The following DGKG variants were observed in gnomAD, a reference collection of about 807,000 sequenced individuals.
The protein encoded by DGKG is DAG kinase gamma.
In DGKG, 78 loss-of-function variants were observed where a neutral mutation model predicts 105.3. The ratio of observed to expected loss-of-function variants is 0.74; its 90% CI spans 0.62 to 0.89. The LOEUF (loss-of-function observed/expected upper bound fraction) is 0.89. Among genes scored for constraint, DGKG ranks in the 40% least tolerant of loss-of-function variants. The pLI, the probability that DGKG is intolerant of heterozygous loss-of-function variation, is 0.00. For missense variants in DGKG, 958 were observed against 1,020.1 expected, an observed-to-expected ratio of 0.94 and a Z score of 0.83; for synonymous variants, 346 against 367.1, an observed-to-expected ratio of 0.94 and a Z score of 0.66.
chr3:186,259,069 T>G (rs1388407538), intron 16 of DGKG, among the ~76,000 whole-genome samples: 1 of 152,116 alleles, frequency 6.6e-6, no homozygotes, highest in Non-Finnish European at 1.5e-5. Context: ...GTAGGCAAAT[T>G]AACATTCCTT....
In DGKG at chr3:186,231,429, C is replaced by CA. The variant is rs1720147149; in HGVS notation, c.1826+11074_1826+11075insT. On this transcript the variant is annotated intron_variant, in intron 20 of 24. Transcript: ENST00000265022. This position sits in a 1 kb window ranked among gnomAD's most constrained non-coding sequence, Gnocchi z 4.5. ...CATCATCTCTATGAGCCTCACTTTT[C>CA]TCATCTGTAAGATGGATCAATAATA... 6.6e-6 allele frequency among the ~76,000 whole-genome samples: 1 copy of CA among 152,096 alleles called. No homozygotes were observed. The highest frequency in any genetic ancestry group is 1.5e-5 in the Non-Finnish European group (1 of 68,026).
At position 186,320,684 on chromosome 3, in the gene DGKG, T is replaced by C; in HGVS notation, c.-225A>G. On this transcript the variant is annotated 5_prime_UTR_variant, in exon 2 of 25. Transcript: ENST00000265022. The stretch of plus-strand genomic sequence containing the variant: ...AACATCCTCCTGTCTGTATTCAAGG[T>C]AAATTCAGAAGTCCTGGCTCTTCCT... 1 of 539,730 alleles carries C rather than the reference T, an allele frequency of 1.9e-6. No homozygotes were observed. 33.4% of individuals were successfully genotyped at this position (539,730 alleles called of 1,614,324 possible).
chr3:186,335,218 C>T (rs980164261), intron 1 of DGKG, among the ~76,000 whole-genome samples: 2 of 152,062 alleles, frequency 1.3e-5, no homozygotes, highest in African/African-American at 2.4e-5. Flanking sequence ...ACAACAGGCG[C>T]CTACTACTGC....
In DGKG at chr3:186,158,371, A is replaced by AT. The variant is rs1716134132; in HGVS notation, c.2277+3231dup. ...AAACTGGAGCCTTCTTATTTTTGTAATTTTTTGAGTAATCTACCATGGTGG... is the reference window on the plus strand; with the variant it reads ...AAACTGGAGCCTTCTTATTTTTGTAATTTTTTTGAGTAATCTACCATGGTGG... On this transcript the variant is annotated intron_variant, in intron 24 of 24. Coordinates refer to ENST00000265022, the MANE Select transcript of DGKG (RefSeq NM_001346.3). 27 of 981,752 alleles carry AT rather than the reference A, an allele frequency of 2.8e-5. No individual in the cohort carries two copies. In the South Asian group the frequency reaches 1.0e-3, roughly 38 times the overall value. The allele number at this position is 981,752 out of a possible 1,614,324, so 60.8% of individuals were successfully genotyped here.
chr3:186,182,309 C>T (rs1465021908), intron 22 of DGKG, among the ~76,000 whole-genome samples: 1 of 152,208 alleles, frequency 6.6e-6, no homozygotes, highest in Admixed American at 6.5e-5. Flanking sequence ...TACCTTCCCC[C>T]ACACCTAACA....
At chr3:186,160,439 T>G (rs1716239337) in intron 24 of DGKG, 1 of 985,320 alleles carries the variant, frequency 1.0e-6, no homozygotes, top group Non-Finnish European at 1.2e-6. Context: ...GCGTCCTAAC[T>G]CCAGCAAGGT....
intron 19 of DGKG, among the ~76,000 whole-genome samples, chr3:186,250,557 C>CTTTCTTTTTTTTTTTT (rs1721162442): frequency 8.6e-6 from 1 of 116,178 alleles, no homozygotes; most frequent in Admixed American, 1.0e-4. Context: ...TTCTGTCATT[C>CTTTCTTTTTTTTTTTT]TTTTTTTTTT....
chr3:186,314,345 A>T (rs562295350), intron 2 of DGKG, among the ~76,000 whole-genome samples: 1 of 152,252 alleles, frequency 6.6e-6, no homozygotes, highest in East Asian at 1.9e-4. Context: ...TTTCTATTTT[A>T]CTATCGACCT....
intron 5 of DGKG, among the ~76,000 whole-genome samples, chr3:186,297,055 CTGTCTG>C (rs1305473119): frequency 2.4e-4 from 31 of 127,328 alleles, no homozygotes; most frequent in African/African-American, 8.4e-4. Flanking sequence ...CTCTGTCTGT[CTGTCTG>C]TCTCTCTCAC....
intron 22 of DGKG, among the ~76,000 whole-genome samples, chr3:186,179,812 T>C (rs1717271531): frequency 6.6e-6 from 1 of 152,064 alleles, no homozygotes; most frequent in Admixed American, 6.6e-5. Context: ...AGAGTGAGAA[T>C]TGGAGGCCGA....
intron 17 of DGKG, among the ~76,000 whole-genome samples, chr3:186,257,506 G>C (rs563376666): frequency 2.0e-5 from 3 of 152,062 alleles, no homozygotes; most frequent in South Asian, 4.2e-4. Context: ...TAGTTCTCTG[G>C]CCTTTACCAA....
intron 21 of DGKG, among the ~76,000 whole-genome samples, chr3:186,197,149 C>T (rs1230094819): frequency 6.6e-6 from 1 of 151,846 alleles, no homozygotes; most frequent in East Asian, 1.9e-4. Flanking sequence ...GAGAGTTGGC[C>T]GGGGGGTAGC....
chr3:186,267,520 T>G (rs192739632), intron 13 of DGKG, 165 bp downstream of exon 13: 2 of 594,364 alleles, frequency 3.4e-6, no homozygotes, highest in East Asian at 2.9e-5. Context: ...AACCCTCCCA[T>G]GTACTCTCTA....
chr3:186,203,374 C>T lies in DGKG; in HGVS notation c.1917+8421G>A, dbSNP rs1347894444. 6.6e-6 allele frequency among the ~76,000 whole-genome samples: 1 copy of T among 152,216 alleles called. No individual in the cohort carries two copies. The highest frequency in any genetic ancestry group is 1.5e-5 in the Non-Finnish European group (1 of 68,042). The stretch of plus-strand genomic sequence containing the variant: ...GGCCAATGTTGTAGCAGTGCTGATT[C>T]CTGGTTGGTGGGATTGGGGGTTATT... On this transcript the variant is annotated intron_variant, in intron 21 of 24. Transcript: ENST00000265022. The surrounding 1 kb of genome is among the most constrained non-coding windows in gnomAD (Gnocchi z 4.9).
Position 186,228,888 on chromosome 3 carries a change from C to G in DGKG, c.1826+13616G>C, listed in dbSNP as rs562098002. Among the ~76,000 whole-genome samples, 7 of 152,180 alleles carry G rather than the reference C, an allele frequency of 4.6e-5. No homozygotes were observed. The East Asian group carries it at 1.3e-3, about 29-fold the overall frequency. Reference sequence around the variant, plus strand: ...ACTGATGCTGTGGGCTGAATTGTGTCCCCCCCAAAAATGATATGCTAAAGT... The same window carrying G: ...ACTGATGCTGTGGGCTGAATTGTGTGCCCCCCAAAAATGATATGCTAAAGT... On this transcript the variant is annotated intron_variant, in intron 20 of 24. Transcript: ENST00000265022.
chr3:186,202,147 A>G (rs1424836145), intron 21 of DGKG, among the ~76,000 whole-genome samples: 1 of 152,242 alleles, frequency 6.6e-6, no homozygotes, highest in Non-Finnish European at 1.5e-5. Flanking sequence ...AAGATGAAAT[A>G]AGACAGAGCT....
chr3:186,272,414 C>G, intron 10 of DGKG, 71 bp from the exon 11 acceptor site: 1 of 1,131,382 alleles, frequency 8.8e-7, no homozygotes, highest in Non-Finnish European at 1.3e-6. Flanking sequence ...GCCCTCCCAC[C>G]CTAGCCAAGG....
At chr3:186,227,336 G>A (rs1719905255) in intron 20 of DGKG, among the ~76,000 whole-genome samples, 1 of 152,120 alleles carries the variant, frequency 6.6e-6, no homozygotes, top group Non-Finnish European at 1.5e-5. Context: ...ACCTTGTCAG[G>A]CAGTTGTAAT....
chr3:186,284,573 T>C lies in DGKG; in HGVS notation c.594+87A>G, dbSNP rs1165296660. On this transcript the variant is annotated intron_variant, in intron 7 of 24. Transcript: ENST00000265022. The surrounding 1 kb of genome is among the most constrained non-coding windows in gnomAD (Gnocchi z 4.0). ...ATTGCTATTACTACAAAGACGGAAC[T>C]GAACATTTTCAGATTCTTCCTCTGC... The C allele has an allele frequency of 2.5e-6, 3 of 1,192,136 alleles. No homozygotes were observed. The African/African-American group carries it at 4.5e-5, about 18-fold the overall frequency. The allele number at this position is 1,192,136 out of a possible 1,614,324, so 73.8% of individuals were successfully genotyped here. A position where few individuals can be genotyped will look rare whatever the true frequency, so the allele number is the denominator to read the frequency against.
Sources: allele counts gnomAD v4.1 joint callset (sites outside exome capture counted in the v4.1 genomes callset), GRCh38; gene constraint gnomAD v4.1.1; non-coding constraint Gnocchi (gnomAD v3.1); transcripts MANE v1.5; gene names NCBI Gene and HGNC (gene_info 2026-07-23, HGNC 2026-07-21).